ZNF469: variants seen among roughly 807,000 people sequenced by gnomAD.
The protein encoded by ZNF469 is zinc finger protein 469.
ZNF469 carries 1 observed loss-of-function variant against 1.0 expected under a neutral mutation model. That is an observed-to-expected ratio of 1.00 (90% CI 0.35 to 4.73). The LOEUF is 4.73. Ranked by LOEUF, ZNF469 falls within the 30% of genes most tolerant of loss-of-function variation. The pLI is 0.16. For missense variants in ZNF469, 6,100 were observed against 5,356.3 expected, an observed-to-expected ratio of 1.14 and a Z score of -4.33; for synonymous variants, 2,703 against 2,363.4, an observed-to-expected ratio of 1.14 and a Z score of -4.17.
At chr16:88,240,035 G>A in the ZNF469 span, among the ~76,000 whole-genome samples, 7 of 150,480 alleles carry the variant, frequency 4.7e-5, no homozygotes, top group Non-Finnish European at 5.9e-5. Flanking sequence ...GCCTGTGCTC[G>A]GGGCCATCGA....
chr16:88,243,424 A>G, the ZNF469 span, among the ~76,000 whole-genome samples: 1 of 152,188 alleles, frequency 6.6e-6, no homozygotes, highest in Non-Finnish European at 1.5e-5. Context: ...GTTTCCTCAG[A>G]TTCTCCAGGC....
At chr16:88,331,180 C>T in the ZNF469 span, among the ~76,000 whole-genome samples, 1 of 150,712 alleles carries the variant, frequency 6.6e-6, no homozygotes, top group South Asian at 2.1e-4. Flanking sequence ...ATTACCATCA[C>T]CACCGTCGTC....
chr16:88,163,875 G>A, the ZNF469 span, among the ~76,000 whole-genome samples: 5 of 146,050 alleles, frequency 3.4e-5, no homozygotes, highest in Non-Finnish European at 7.5e-5. Flanking sequence ...TAGGTAAGTG[G>A]ATGAATGGAT....
At chr16:88,417,588 C>T (rs986972121) in intron 1 of ZNF469, among the ~76,000 whole-genome samples, 2 of 152,226 alleles carry the variant, frequency 1.3e-5, no homozygotes, top group Admixed American at 6.5e-5. Context: ...ACGTTTCTCG[C>T]TCCCCGCACA....
At chr16:88,422,152 G>T (rs994510932) in intron 1 of ZNF469, among the ~76,000 whole-genome samples, 1 of 150,136 alleles carries the variant, frequency 6.7e-6, no homozygotes, top group Non-Finnish European at 1.5e-5. Context: ...GAACGGGTGG[G>T]TGGATGGGCA....
rs1001013200 is a variant in ZNF469, at chr16:88,428,643, G to C, written c.1173G>C (p.Leu391=). The C allele has an allele frequency of 2.6e-6, 4 of 1,550,046 alleles. No homozygotes were observed. Among genetic ancestry groups the C allele is most frequent in the Non-Finnish European group, 3.5e-6 (4 of 1,146,872 alleles). ...PERPPSAQDG[L]GSTRGPPSSL... ...GACCACCTTCAGCCCAGGATGGGCT[G>C]GGGAGCACGAGAGGGCCCCCTAGCT... Residue 391 remains leucine (L), a synonymous_variant, in exon 3 of 3, where the codon CTG becomes CTC. Coordinates refer to ENST00000565624, the MANE Select transcript of ZNF469 (RefSeq NM_001367624.2).
At chr16:88,380,413 A>C (rs562113183), upstream of ZNF469, among the ~76,000 whole-genome samples, 2 of 147,092 alleles carry the variant, frequency 1.4e-5, no homozygotes, top group Non-Finnish European at 3.0e-5. Context: ...ACAGACATGC[A>C]CTCACACAGA....
At chr16:88,359,761 A>G in the ZNF469 span, among the ~76,000 whole-genome samples, 1 of 152,226 alleles carries the variant, frequency 6.6e-6, no homozygotes, top group South Asian at 2.1e-4. Context: ...TTCCCCCAAC[A>G]TTGGATCTGA....
At chr16:88,376,377 G>A in the ZNF469 span, among the ~76,000 whole-genome samples, 321 of 152,368 alleles carry the variant, frequency 2.1e-3, 1 homozygote, top group African/African-American at 7.1e-3. Flanking sequence ...GTGAGGGGAC[G>A]TCCGGGGTGA....
Position 88,436,405 on chromosome 16 carries a change from C to T in ZNF469, c.8935C>T (p.Pro2979Ser). 1.3e-6 allele frequency: 2 copies of T among 1,549,716 alleles called. No individual in the cohort carries two copies. The highest frequency in any genetic ancestry group is 1.7e-4 in the Middle Eastern group (1 of 5,972). ...TGCAGAGAAGCTGCCCTCCCACTGC[C>T]CCGAGGACGATCGGCCGGAGGCCAT... is the stretch of plus-strand genomic sequence containing the variant. ...AGAEKLPSHCPEDDRPEAIPE... is the reference protein window; with the variant it reads ...AGAEKLPSHCSEDDRPEAIPE... Residue 2979 changes from proline (P) to serine (S), a missense_variant, in exon 3 of 3, where the codon CCC (proline) becomes TCC (serine). By Grantham distance (74) the Pro-to-Ser change is moderately conservative. Transcript: ENST00000565624.
chr16:88,202,058 G>T, the ZNF469 span, among the ~76,000 whole-genome samples: 7 of 152,264 alleles, frequency 4.6e-5, no homozygotes, highest in Admixed American at 3.9e-4. Context: ...CTCCCCCCAG[G>T]AGTAGCCATG....
the ZNF469 span, among the ~76,000 whole-genome samples, chr16:88,119,760 C>A: frequency 1.3e-5 from 2 of 152,328 alleles, no homozygotes; most frequent in African/African-American, 4.8e-5. Flanking sequence ...AAGTCAACGG[C>A]AGACTGATAA....
At chr16:88,278,266 G>GCA in the ZNF469 span, among the ~76,000 whole-genome samples, 1 of 18,306 alleles carries the variant, frequency 5.5e-5, no homozygotes, top group Non-Finnish European at 9.0e-5. Context: ...AGATATCAGT[G>GCA]CAGTTAGTGC....
At chr16:88,339,168 G>C in the ZNF469 span, among the ~76,000 whole-genome samples, 1 of 141,558 alleles carries the variant, frequency 7.1e-6, no homozygotes, top group Admixed American at 7.2e-5. Flanking sequence ...GGTGGCGGGG[G>C]ACATGGGGAC....
At chr16:88,380,523 G>A (rs1027608700), upstream of ZNF469, among the ~76,000 whole-genome samples, 73 of 73,408 alleles carry the variant, frequency 9.9e-4, 1 homozygote, top group South Asian at 0.036. Context: ...GCACACACAC[G>A]CACTAACACA....
At chr16:88,325,839 TC>T in the ZNF469 span, among the ~76,000 whole-genome samples, 9,840 of 152,298 alleles carry the variant, frequency 0.065, 362 homozygotes, top group East Asian at 0.12. Flanking sequence ...CTTCCACGCA[TC>T]CCAGATGGGG....
At chr16:88,422,839 GTGGA>G (rs202049973) in intron 1 of ZNF469, among the ~76,000 whole-genome samples, 2,164 of 147,454 alleles carry the variant, frequency 0.015, 64 homozygotes, top group African/African-American at 0.051. Context: ...TGATGGATGG[GTGGA>G]TGGATGGATG....
In ZNF469 at chr16:88,429,802, G is replaced by A. The variant is rs761152033; in HGVS notation, c.2332G>A (p.Ala778Thr). Residue 778 changes from alanine (A) to threonine (T), a missense_variant, in exon 3 of 3, where the codon GCT becomes ACT. Coordinates refer to ENST00000565624, the MANE Select transcript of ZNF469 (RefSeq NM_001367624.2). ...CCCCCCTGGGCTCCCCTCGCCCCCC[G>A]CTGCCCCCAGAGTCCCTGCCGACGC... ...PGPPGLPSPP[A>T]APRVPADAHA... is the part of the protein sequence containing the mutation. 1.7e-5 allele frequency: 27 copies of A among 1,544,008 alleles called. No individual in the cohort carries two copies. The highest frequency in any genetic ancestry group is 2.3e-5 in the Non-Finnish European group (26 of 1,143,536).
chr16:88,394,648 G>A (rs996219753), intron 1 of ZNF469, among the ~76,000 whole-genome samples: 1 of 152,184 alleles, frequency 6.6e-6, no homozygotes, highest in African/African-American at 2.4e-5. Context: ...GCCGCCTGGT[G>A]AGCTTGTCGA....
Sources: allele counts gnomAD v4.1 joint callset (sites outside exome capture counted in the v4.1 genomes callset), GRCh38; gene constraint gnomAD v4.1.1; transcripts MANE v1.5; gene names NCBI Gene and HGNC (gene_info 2026-07-23, HGNC 2026-07-21).